AOPEP: variants seen among roughly 807,000 people sequenced by gnomAD.
AOPEP encodes aminopeptidase O (putative), also known as aminopeptidase O.
A neutral mutation model predicts 98.1 loss-of-function variants in AOPEP; 77 were observed. The observed-to-expected ratio is 0.78, with a 90% confidence interval of 0.65 to 0.95. The LOEUF (loss-of-function observed/expected upper bound fraction) is 0.95. AOPEP is among the 40% of genes least tolerant of loss of function. The pLI, the probability that AOPEP is intolerant of heterozygous loss-of-function variation, is 0.00. For synonymous variants in AOPEP, 346 were observed against 365.3 expected (o/e 0.95, Z 0.60); for missense variants, 1,024 against 1,024.7 (o/e 1.00, Z 0.01).
chr9:95,015,203 C>A (rs564616738), intron 13 of AOPEP, among the ~76,000 whole-genome samples: 1 of 152,156 alleles, frequency 6.6e-6, no homozygotes, highest in East Asian at 1.9e-4. Context: ...TAACTGAGTC[C>A]ATTTTAGTGC....
the AOPEP span, among the ~76,000 whole-genome samples, chr9:95,118,529 T>C: frequency 6.6e-6 from 1 of 152,210 alleles, no homozygotes; most frequent in African/African-American, 2.4e-5. Context: ...TGAAGACACA[T>C]TTCTATCACG....
intron 13 of AOPEP, among the ~76,000 whole-genome samples, chr9:95,039,614 C>T (rs1252588081): frequency 6.6e-6 from 1 of 152,092 alleles, no homozygotes; most frequent in Non-Finnish European, 1.5e-5. Flanking sequence ...TAAGGAATTC[C>T]TATCCTATAA....
chr9:95,136,013 C>G, the AOPEP span, among the ~76,000 whole-genome samples: 1 of 152,162 alleles, frequency 6.6e-6, no homozygotes, highest in Non-Finnish European at 1.5e-5. Flanking sequence ...TGCAACAACA[C>G]ACGTACAGTG....
At chr9:95,114,309 G>A in the AOPEP span, 1 of 380,644 alleles carries the variant, frequency 2.6e-6, no homozygotes, top group East Asian at 6.3e-5. Flanking sequence ...CAGCAGGTGG[G>A]TGCTGCTTTT....
chr9:95,111,603 A>G, the AOPEP span: 1 of 1,614,180 alleles, frequency 6.2e-7, no homozygotes, highest in Non-Finnish European at 8.5e-7. Context: ...AAGTGAATGA[A>G]CAGGAACCAG....
At chr9:95,117,495 T>C in the AOPEP span, 4 of 817,712 alleles carry the variant, frequency 4.9e-6, no homozygotes, top group South Asian at 4.3e-5. Flanking sequence ...CCACCAGTAC[T>C]AACATGGTCA....
chr9:94,981,363 T>G (rs2060172109), intron 11 of AOPEP, among the ~76,000 whole-genome samples: 2 of 152,208 alleles, frequency 1.3e-5, no homozygotes, highest in Admixed American at 1.3e-4. Context: ...TGAAGAAACC[T>G]GCTGTCAAAA....
intron 9 of AOPEP, among the ~76,000 whole-genome samples, chr9:94,960,294 C>T (rs2058728239): frequency 6.6e-6 from 1 of 151,718 alleles, no homozygotes; most frequent in African/African-American, 2.4e-5. Flanking sequence ...GCCTGTAATC[C>T]CAACTACTCA....
intron 13 of AOPEP, among the ~76,000 whole-genome samples, chr9:95,006,440 G>A (rs184673028): frequency 6.6e-6 from 1 of 152,288 alleles, no homozygotes; most frequent in Non-Finnish European, 1.5e-5. Flanking sequence ...CTTGCTGATA[G>A]CATTGCTGCC....
chr9:94,759,732 T>C lies in AOPEP; in HGVS notation c.-52T>C. 5 of 1,415,950 alleles carry C rather than the reference T, an allele frequency of 3.5e-6. No individual in the cohort carries two copies. The highest frequency in any genetic ancestry group is 4.8e-6 in the Non-Finnish European group (5 of 1,031,092). 87.7% of individuals were successfully genotyped at this position (1,415,950 alleles called of 1,614,324 possible). On this transcript the variant is annotated 5_prime_UTR_variant, in exon 2 of 17. Transcript: ENST00000375315. ...TATGATTCTGGAAGATTAAGGCAGA[T>C]AGGAAACCCCATCTGAGATTTTAAT...
chr9:94,884,939 G>A (rs2048029121), intron 5 of AOPEP, among the ~76,000 whole-genome samples: 1 of 149,714 alleles, frequency 6.7e-6, no homozygotes, highest in Non-Finnish European at 1.5e-5. Context: ...AACCCGGGAG[G>A]CGGAGCTTGC....
the AOPEP span, chr9:95,099,584 G>A: frequency 1.7e-5 from 4 of 231,092 alleles, no homozygotes; most frequent in Non-Finnish European, 2.6e-5. Flanking sequence ...TGGCCGAGGG[G>A]TGGCTCCCCC....
At chr9:94,910,199 C>T (rs965526285) in intron 5 of AOPEP, among the ~76,000 whole-genome samples, 1 of 152,170 alleles carries the variant, frequency 6.6e-6, no homozygotes, top group Non-Finnish European at 1.5e-5. Flanking sequence ...TAGAAGCAGC[C>T]GGTTCTCCTT....
chr9:94,903,301 A>G (rs2050673527), intron 5 of AOPEP, among the ~76,000 whole-genome samples: 1 of 151,920 alleles, frequency 6.6e-6, no homozygotes, highest in Non-Finnish European at 1.5e-5. Context: ...TTTTCTTGAT[A>G]GCCTTTTGCA....
At chr9:94,836,117 C>T (rs1277903255) in intron 5 of AOPEP, among the ~76,000 whole-genome samples, 1 of 151,954 alleles carries the variant, frequency 6.6e-6, no homozygotes, top group Non-Finnish European at 1.5e-5. Flanking sequence ...TACACGTGTA[C>T]AAGCACATGC....
intron 5 of AOPEP, among the ~76,000 whole-genome samples, chr9:94,853,736 A>T (rs2043842572): frequency 6.6e-6 from 1 of 152,242 alleles, no homozygotes; most frequent in Admixed American, 6.5e-5. Context: ...AACAAGGTAC[A>T]AGTCGCACTA....
intron 16 of AOPEP, chr9:95,085,207 T>A (rs961864120): frequency 4.1e-6 from 2 of 492,230 alleles, no homozygotes; most frequent in Non-Finnish European, 8.5e-6. Context: ...GTGGCGCTGC[T>A]CTCAGGTGCT....
chr9:94,878,859 C>G (rs2047263765), intron 5 of AOPEP, among the ~76,000 whole-genome samples: 1 of 152,204 alleles, frequency 6.6e-6, no homozygotes, highest in Non-Finnish European at 1.5e-5. Flanking sequence ...TTTATCAAGA[C>G]AGGGGAATTG....
At chr9:94,949,113 G>C (rs1052923580) in intron 7 of AOPEP, among the ~76,000 whole-genome samples, 1 of 152,220 alleles carries the variant, frequency 6.6e-6, no homozygotes, top group Non-Finnish European at 1.5e-5. Context: ...ATCGCTTGCT[G>C]TGTTGAATGG....
Sources: allele counts gnomAD v4.1 joint callset (sites outside exome capture counted in the v4.1 genomes callset), GRCh38; gene constraint gnomAD v4.1.1; transcripts MANE v1.5; gene names NCBI Gene and HGNC (gene_info 2026-07-23, HGNC 2026-07-21).